Variants in KIAA1210 observed in about 807,000 individuals in gnomAD.
KIAA1210 encodes the protein KIAA1210.
Under a neutral mutation model 78.9 loss-of-function variants are expected in KIAA1210, and 48 were observed. The ratio of observed to expected loss-of-function variants is 0.61; its 90% CI spans 0.48 to 0.77. The LOEUF (loss-of-function observed/expected upper bound fraction) is 0.77. Among genes scored for constraint, KIAA1210 ranks in the 30% least tolerant of loss-of-function variants. KIAA1210 has a pLI of 0.00. For missense variants in KIAA1210, 1,108 were observed against 1,100.0 expected (o/e 1.01, Z -0.10); for synonymous variants, 406 against 404.5 (o/e 1.00, Z -0.04).
At chrX:119,111,455 G>A (rs1928069385) in intron 3 of KIAA1210, among the ~76,000 whole-genome samples, 1 of 111,475 alleles carries the variant, frequency 9.0e-6, no homozygotes, top group Admixed American at 9.5e-5. Flanking sequence ...GCCCTTTGCA[G>A]GGACATGGAT....
rs1440254495 is a variant in KIAA1210 at position 119,085,557 on chromosome X, A to G, written c.4157-11T>C. On this transcript the variant is annotated splice_polypyrimidine_tract_variant and intron_variant, in intron 9 of 11. Coordinates refer to ENST00000691062, the MANE Select transcript of KIAA1210 (RefSeq NM_001394962.1). ...GACCAGCAGGCTTTCCTGAGAAAGAAATGAAAGGAGTTAGAACTGAAGCAA... is the reference window on the plus strand; with the variant it reads ...GACCAGCAGGCTTTCCTGAGAAAGAGATGAAAGGAGTTAGAACTGAAGCAA... The G allele has an allele frequency of 1.7e-6, 2 of 1,203,994 alleles. No individual in the cohort carries two copies. The highest frequency in any genetic ancestry group is 2.2e-6 in the Non-Finnish European group (2 of 892,370).
intron 1 of KIAA1210, among the ~76,000 whole-genome samples, chrX:119,124,197 A>G (rs1183828101): frequency 1.8e-5 from 2 of 111,590 alleles, no homozygotes; most frequent in Non-Finnish European, 3.8e-5. Context: ...GGGTCTTGCT[A>G]TGTTGAACTA....
In KIAA1210 at chrX:119,088,167, A is replaced by G; in HGVS notation, c.2535T>C (p.Tyr845=). ...VISVEPLLPR[Y]SPQSLTDPQI... is the part of the protein sequence containing the mutation. The stretch of plus-strand genomic sequence containing the variant: ...GAGGATCTGTCAAGGACTGAGGAGA[A>G]TATCTGGGGAGTAGTGGCTCCACAG... Residue 845 remains tyrosine (Y), a synonymous_variant, in exon 9 of 12, where the codon TAT becomes TAC. Coordinates refer to ENST00000691062, the MANE Select transcript of KIAA1210 (RefSeq NM_001394962.1). 1 of 1,211,612 alleles carries G rather than the reference A, an allele frequency of 8.3e-7. No homozygotes were observed. The highest frequency in any genetic ancestry group is 1.1e-6 in the Non-Finnish European group (1 of 895,332).
At chrX:119,112,132 T>TG (rs941127106) in intron 3 of KIAA1210, among the ~76,000 whole-genome samples, 1 of 111,584 alleles carries the variant, frequency 9.0e-6, no homozygotes, top group Non-Finnish European at 1.9e-5. Flanking sequence ...TGCCACCATG[T>TG]AAGACGTGCC....
chrX:119,105,150 G>A lies in KIAA1210; in HGVS notation c.493-3C>T. ...CGGCGTCGGCGCGATGGTGGGTTCT[G>A]TCAAGAGGGAGAATAGAAGGAACAA... On this transcript the variant is annotated splice_polypyrimidine_tract_variant and splice_region_variant and intron_variant, in intron 5 of 11. Transcript: ENST00000691062. 8.4e-7 allele frequency: 1 copy of A among 1,190,855 alleles called. No homozygotes were observed. The highest frequency in any genetic ancestry group is 1.1e-6 in the Non-Finnish European group (1 of 886,340).
rs766436354 is a variant in KIAA1210 at position 119,088,860 on chromosome X, C to G, written c.1842G>C (p.Gly614=). ...SSDSENIPEE[G]DGSEELAHGH... ...CATGAGCCAGTTCTTCAGAACCATC[C>G]CCCTCCTCAGGAATATTCTCTGAAT... Residue 614 remains glycine, a synonymous_variant, in exon 9 of 12, where the codon GGG becomes GGC. Coordinates refer to ENST00000691062, the MANE Select transcript of KIAA1210 (RefSeq NM_001394962.1). The G allele has an allele frequency of 3.5e-5, 42 of 1,209,527 alleles. No homozygotes were observed. Among genetic ancestry groups the G allele is most frequent in the Non-Finnish European group, 4.6e-5 (41 of 894,997 alleles).
At chrX:119,089,784 T>C (rs750315349) in intron 8 of KIAA1210, 38 bp from the exon 9 acceptor site, 2 of 1,103,173 alleles carry the variant, frequency 1.8e-6, no homozygotes, top group Non-Finnish European at 1.2e-6. Flanking sequence ...GAAATATGTG[T>C]GACTTTCACT....
At chrX:119,086,519 T>C in intron 9 of KIAA1210, 27 bp downstream of exon 9, 1 of 1,147,866 alleles carries the variant, frequency 8.7e-7, no homozygotes, top group Non-Finnish European at 1.2e-6. Flanking sequence ...GATATCTGCT[T>C]GCCATCTGGA....
At position 119,081,289 on chromosome X, in the gene KIAA1210, A is replaced by T; in HGVS notation, c.*40T>A. The T allele has an allele frequency of 1.2e-6, 1 of 863,309 alleles. No individual in the cohort carries two copies. The allele number at this position is 863,309 out of a possible 1,213,427, so 71.1% of individuals were successfully genotyped here. A position where few individuals can be genotyped will look rare whatever the true frequency, so the allele number is the denominator to read the frequency against. ...CTCAAAAAAAAAAAAAAAAAAAAAA[A>T]CTAAATAAAATAAATGCTGATGCTC... On this transcript the variant is annotated 3_prime_UTR_variant, in exon 12 of 12. Transcript: ENST00000691062.
intron 6 of KIAA1210, among the ~76,000 whole-genome samples, chrX:119,100,551 C>T (rs539378267): frequency 1.8e-5 from 2 of 111,395 alleles, no homozygotes; most frequent in Non-Finnish European, 3.8e-5. Context: ...TGAACCCAAT[C>T]TGCATATTAT....
chrX:119,130,106 T>C (rs1421876695), upstream of KIAA1210, among the ~76,000 whole-genome samples: 2 of 112,020 alleles, frequency 1.8e-5, no homozygotes, highest in East Asian at 5.6e-4. Flanking sequence ...CTCTGAAATA[T>C]AACCATGAGC....
At chrX:119,104,736 A>G (rs1268889231) in intron 6 of KIAA1210, among the ~76,000 whole-genome samples, 1 of 112,272 alleles carries the variant, frequency 8.9e-6, no homozygotes, top group East Asian at 2.8e-4. Context: ...TTTTATCTTC[A>G]TGAAATAACT....
intron 2 of KIAA1210, among the ~76,000 whole-genome samples, chrX:119,119,869 G>A (rs903374324): frequency 1.8e-5 from 2 of 108,807 alleles, no homozygotes; most frequent in Admixed American, 9.8e-5. Context: ...CCAGCTACTC[G>A]GGAGGCTGAG....
chrX:119,083,215 T>C lies in KIAA1210; in HGVS notation c.4321-95A>G, dbSNP rs759100226. On this transcript the variant is annotated intron_variant, in intron 10 of 11. Coordinates refer to ENST00000691062, the MANE Select transcript of KIAA1210 (RefSeq NM_001394962.1). ...GGACCATAGAGTGCAAGCCCTGTCC[T>C]GGGTACTATGAGTTTAACAGTATCC... The C allele has an allele frequency of 4.7e-5, 26 of 548,154 alleles. No individual in the cohort carries two copies. The African/African-American group carries it at 4.8e-4, about 10-fold the overall frequency. 45.2% of individuals were successfully genotyped at this position (548,154 alleles called of 1,213,427 possible). A position where few individuals can be genotyped will look rare whatever the true frequency, so the allele number is the denominator to read the frequency against.
At chrX:119,147,874 G>T (rs146586506) in intron 1 of KIAA1210, among the ~76,000 whole-genome samples, 1 of 112,389 alleles carries the variant, frequency 8.9e-6, no homozygotes, top group East Asian at 2.8e-4. Context: ...GGCTAGGCAC[G>T]GTGGTTCATG....
At chrX:119,107,217 G>A in intron 5 of KIAA1210, among the ~76,000 whole-genome samples, 1 of 112,924 alleles carries the variant, frequency 8.9e-6, no homozygotes, top group East Asian at 2.8e-4. Flanking sequence ...GGCTATTGTG[G>A]CCTTCCCCAA....
chrX:119,138,882 A>T (rs1373470862), intron 2 of KIAA1210, among the ~76,000 whole-genome samples: 3 of 111,862 alleles, frequency 2.7e-5, no homozygotes, highest in Non-Finnish European at 5.6e-5. Flanking sequence ...TGGGGGTGGC[A>T]GGTGGTTGGC....
At chrX:119,086,231 T>C (rs1194800077) in intron 9 of KIAA1210, among the ~76,000 whole-genome samples, 4 of 111,356 alleles carry the variant, frequency 3.6e-5, no homozygotes, top group Non-Finnish European at 7.5e-5. Context: ...GAGAAAAGCA[T>C]AAAATTCCAT....
intron 8 of KIAA1210, among the ~76,000 whole-genome samples, chrX:119,090,294 C>T (rs1927328529): frequency 9.1e-6 from 1 of 109,468 alleles, no homozygotes; most frequent in Admixed American, 9.8e-5. Context: ...AGACAAATTT[C>T]ACACTTTGAA....
Sources: gnomAD v4.1 joint callset for allele counts (sites outside exome capture counted in the v4.1 genomes callset) on GRCh38, gnomAD v4.1.1 for gene constraint, MANE v1.5 for transcripts, NCBI Gene and HGNC (gene_info 2026-07-23, HGNC 2026-07-21) for gene names.